Variants in GRID1 observed in about 807,000 individuals in gnomAD.
GRID1 encodes the protein glutamate receptor ionotropic, delta-1.
A neutral mutation model predicts 98.0 loss-of-function variants in GRID1; 28 were observed. That is an observed-to-expected ratio of 0.29 (90% CI 0.21 to 0.39). The LOEUF is 0.39. Among genes scored for constraint, GRID1 ranks in the 10% least tolerant of loss-of-function variants. GRID1 has a pLI of 1.00. For synonymous variants in GRID1, 553 were observed against 538.5 expected, an observed-to-expected ratio of 1.03 and a Z score of -0.37; for missense variants, 1,111 against 1,340.5, an observed-to-expected ratio of 0.83 and a Z score of 2.67.
intron 3 of GRID1, among the ~76,000 whole-genome samples, chr10:86,185,615 T>C (rs1845716023): frequency 6.6e-6 from 1 of 152,278 alleles, no homozygotes; most frequent in Admixed American, 6.5e-5. Context: ...GTTTATAAAT[T>C]CCCTTTATGA....
At chr10:85,743,624 T>C (rs10887525) in intron 8 of GRID1, among the ~76,000 whole-genome samples, 30,817 of 152,072 alleles carry the variant, frequency 0.2, 3,404 homozygotes, top group Middle Eastern at 0.28. Context: ...GGGGAAAATA[T>C]TGGAAGCTGA....
chr10:86,186,115 C>T (rs1055168165), intron 3 of GRID1, among the ~76,000 whole-genome samples: 1 of 152,122 alleles, frequency 6.6e-6, no homozygotes, highest in Admixed American at 6.5e-5. Flanking sequence ...ACCATTCAGG[C>T]TTTCTGTTTC....
intron 4 of GRID1, among the ~76,000 whole-genome samples, chr10:86,105,206 G>A (rs537407638): frequency 6.6e-6 from 1 of 152,280 alleles, no homozygotes; most frequent in East Asian, 1.9e-4. Flanking sequence ...AATACCTGAG[G>A]AAAGAGCTGC....
intron 4 of GRID1, among the ~76,000 whole-genome samples, chr10:86,018,376 C>T (rs1245168704): frequency 1.3e-5 from 2 of 152,238 alleles, no homozygotes; most frequent in African/African-American, 2.4e-5. Flanking sequence ...TCTCTGGCCT[C>T]CCATAACCCT....
rs1361480060 is a variant in GRID1, at chr10:85,613,617, C to T, written c.2391G>A (p.Leu797=). The change falls in exon 15 of 16, where the codon CTG becomes CTA. Residue 797 remains leucine (L), a synonymous_variant. Transcript: ENST00000327946. ...GCCACCACTTCTGCTTCAGCACATCCAGGTCCCCTGTGTCCTGCAGCTCCA... is the reference window on the plus strand; with the variant it reads ...GCCACCACTTCTGCTTCAGCACATCTAGGTCCCCTGTGTCCTGCAGCTCCA... ...RILELQDTGD[L]DVLKQKWWPH... 6.2e-7 allele frequency: 1 copy of T among 1,614,050 alleles called. No homozygotes were observed. The highest frequency in any genetic ancestry group is 8.5e-7 in the Non-Finnish European group (1 of 1,180,032).
At chr10:86,045,173 A>G (rs1483614359) in intron 4 of GRID1, among the ~76,000 whole-genome samples, 1 of 152,216 alleles carries the variant, frequency 6.6e-6, no homozygotes, top group African/African-American at 2.4e-5. Flanking sequence ...AGATTCTGTT[A>G]TTGCTTCCAG....
At position 85,601,430 on chromosome 10, in the gene GRID1, C is replaced by T. The variant is rs376093948; in HGVS notation, c.*843G>A. 4 of 152,378 alleles carry T rather than the reference C, an allele frequency of 2.6e-5. No homozygotes were observed. The East Asian group carries it at 5.8e-4, about 22-fold the overall frequency. The allele number at this position is 152,378 out of a possible 1,614,324, so 9.4% of individuals were successfully genotyped here. On this transcript the variant is annotated 3_prime_UTR_variant, in exon 16 of 16. Coordinates refer to ENST00000327946, the MANE Select transcript of GRID1 (RefSeq NM_017551.3). The stretch of plus-strand genomic sequence containing the variant: ...CTTCCAGACCAACCCCACCTCCGCC[C>T]AGTCTCCCTGAGGAAACGATGGAGT...
In GRID1 at chr10:85,875,099, T is replaced by C. The variant is rs553168124; in HGVS notation, c.781-5919A>G. ...TTCACCATGTTGGTCAGGCTGGTCT[T>C]GAACTCGACCTCAGGTGATCCACTC... is the stretch of plus-strand genomic sequence containing the variant. On this transcript the variant is annotated intron_variant, in intron 5 of 15. Coordinates refer to ENST00000327946, the MANE Select transcript of GRID1 (RefSeq NM_017551.3). 4.8e-3 allele frequency among the ~76,000 whole-genome samples: 734 copies of C among 152,210 alleles called. 2 individuals carry two copies. Among genetic ancestry groups the C allele is most frequent in the Non-Finnish European group, 7.8e-3 (529 of 68,006 alleles).
intron 4 of GRID1, among the ~76,000 whole-genome samples, chr10:86,015,057 A>G (rs1842963971): frequency 6.6e-6 from 1 of 152,212 alleles, no homozygotes; most frequent in Non-Finnish European, 1.5e-5. Context: ...GTCCCTCTCA[A>G]CATGTTACAG....
At chr10:85,945,667 C>T (rs769816020) in intron 4 of GRID1, among the ~76,000 whole-genome samples, 1 of 152,204 alleles carries the variant, frequency 6.6e-6, no homozygotes, top group Non-Finnish European at 1.5e-5. Context: ...AGTTCCTACA[C>T]ATGGGCTAGA....
chr10:86,163,891 CG>C (rs955282283), intron 3 of GRID1, among the ~76,000 whole-genome samples: 22 of 152,186 alleles, frequency 1.4e-4, no homozygotes, highest in African/African-American at 5.3e-4. Flanking sequence ...CAGCACCCCC[CG>C]CTGGTATGTG....
chr10:86,216,536 C>T (rs1460776384), intron 2 of GRID1, among the ~76,000 whole-genome samples: 1 of 152,228 alleles, frequency 6.6e-6, no homozygotes, highest in Non-Finnish European at 1.5e-5. Context: ...AGACTTGGTT[C>T]AGAATCCAGT....
intron 4 of GRID1, among the ~76,000 whole-genome samples, chr10:86,093,421 G>T (rs1844175985): frequency 6.7e-6 from 1 of 149,482 alleles, no homozygotes; most frequent in Non-Finnish European, 1.5e-5. Flanking sequence ...ACAAAAAGCT[G>T]GTTCTTTGAA....
chr10:86,155,418 T>G (rs1020944046), intron 3 of GRID1, among the ~76,000 whole-genome samples: 2 of 152,238 alleles, frequency 1.3e-5, no homozygotes, highest in Non-Finnish European at 2.9e-5. Context: ...AAAGGGCAGA[T>G]TCAGATTCTG....
intron 2 of GRID1, among the ~76,000 whole-genome samples, chr10:86,208,184 C>T (rs116175572): frequency 0.016 from 2,446 of 152,270 alleles, 72 homozygotes; most frequent in African/African-American, 0.056. Context: ...ACCGGCTGCC[C>T]TCCATGCAAG....
chr10:86,074,159 A>G (rs1001144825), intron 4 of GRID1, among the ~76,000 whole-genome samples: 1 of 152,204 alleles, frequency 6.6e-6, no homozygotes, highest in East Asian at 1.9e-4. Context: ...GGTTACTTGC[A>G]TGTTATGTGT....
At chr10:86,034,902 G>GTGGATGGATGGATGGA (rs59211171) in intron 4 of GRID1, among the ~76,000 whole-genome samples, 55 of 143,846 alleles carry the variant, frequency 3.8e-4, no homozygotes, top group Middle Eastern at 3.5e-3. Context: ...CAATGGATTG[G>GTGGATGGATGGATGGA]TGGATGGATG....
chr10:85,966,813 C>CA (rs71016118), intron 4 of GRID1, among the ~76,000 whole-genome samples: 18,818 of 136,622 alleles, frequency 0.14, 1,482 homozygotes, highest in Non-Finnish European at 0.19. Flanking sequence ...GACTCCACCT[C>CA]AAAAAAAAAA....
chr10:85,856,689 C>T (rs758937036), intron 6 of GRID1, among the ~76,000 whole-genome samples: 13 of 152,316 alleles, frequency 8.5e-5, no homozygotes, highest in African/African-American at 2.6e-4. Context: ...AACTGCTCAA[C>T]CCTACTGTTA....
Sources: gnomAD v4.1 joint callset for allele counts (sites outside exome capture counted in the v4.1 genomes callset) on GRCh38, gnomAD v4.1.1 for gene constraint, MANE v1.5 for transcripts, NCBI Gene and HGNC (gene_info 2026-07-23, HGNC 2026-07-21) for gene names.